The following FAM168A variants were observed in gnomAD, a reference collection of about 807,000 sequenced individuals.
FAM168A encodes protein FAM168A.
A neutral mutation model predicts 28.5 loss-of-function variants in FAM168A; 3 were observed. The observed-to-expected ratio is 0.11, with a 90% CI of 0.05 to 0.27. The LOEUF is 0.27. Ranked by LOEUF, FAM168A falls within the 10% of genes least tolerant of loss-of-function variation. The pLI, the probability that FAM168A is intolerant of heterozygous loss-of-function variation, is 1.00. For synonymous variants in FAM168A, 122 were observed against 124.2 expected, an observed-to-expected ratio of 0.98 and a Z score of 0.12; for missense variants, 222 against 311.5, an observed-to-expected ratio of 0.71 and a Z score of 2.16.
chr11:73,489,132 G>A (rs1590811695), intron 1 of FAM168A, among the ~76,000 whole-genome samples: 1 of 152,160 alleles, frequency 6.6e-6, no homozygotes, highest in East Asian at 1.9e-4. Flanking sequence ...GCCCGCCTTG[G>A]CCTCCAAAAG....
At chr11:73,435,932 G>A (rs1867079605) in intron 2 of FAM168A, among the ~76,000 whole-genome samples, 1 of 152,170 alleles carries the variant, frequency 6.6e-6, no homozygotes, top group Non-Finnish European at 1.5e-5. Flanking sequence ...TAACTTTCTG[G>A]TTAAGATTAT....
intron 1 of FAM168A, among the ~76,000 whole-genome samples, chr11:73,556,760 T>G (rs1172752314): frequency 6.6e-6 from 1 of 151,892 alleles, no homozygotes; most frequent in African/African-American, 2.4e-5. Context: ...GTGGCTCACG[T>G]TGGTAATCCC....
Position 73,506,162 on chromosome 11 carries a change from CAAG to C in FAM168A, c.-18-37673_-18-37671del, listed in dbSNP as rs536718385. Among the ~76,000 whole-genome samples the C allele has an allele frequency of 2.6e-5, 4 of 151,972 alleles. No homozygotes were observed. In the East Asian group the frequency reaches 7.7e-4, roughly 29 times the overall value. ...ATCAAAACCAACAAGCCTCAAATACCAAGAAGAAGAGGTAAATTATACATCAGA... is the reference window on the plus strand; with the variant it reads ...ATCAAAACCAACAAGCCTCAAATACCAAGAAGAGGTAAATTATACATCAGA... On this transcript the variant is annotated intron_variant, in intron 1 of 7. Transcript: ENST00000356467.
At chr11:73,497,550 A>G (rs1854917597) in intron 1 of FAM168A, among the ~76,000 whole-genome samples, 1 of 152,192 alleles carries the variant, frequency 6.6e-6, no homozygotes, top group South Asian at 2.1e-4. Context: ...TATTAGCCAC[A>G]TGTAGCTACT....
chr11:73,484,967 C>T (rs1418464799), intron 1 of FAM168A, among the ~76,000 whole-genome samples: 1 of 151,854 alleles, frequency 6.6e-6, no homozygotes, highest in Non-Finnish European at 1.5e-5. Flanking sequence ...TTATATTCAA[C>T]GGTAGCTGAT....
At chr11:73,537,951 T>A (rs1157258807) in intron 1 of FAM168A, among the ~76,000 whole-genome samples, 1 of 152,074 alleles carries the variant, frequency 6.6e-6, no homozygotes, top group Non-Finnish European at 1.5e-5. Context: ...GGAAGAAAAA[T>A]AGAAGGGAAT....
chr11:73,543,450 G>A (rs1345530269), intron 1 of FAM168A, among the ~76,000 whole-genome samples: 2 of 151,874 alleles, frequency 1.3e-5, no homozygotes, highest in African/African-American at 2.4e-5. Context: ...TAATAGACAC[G>A]GGGTTTCGCC....
intron 1 of FAM168A, among the ~76,000 whole-genome samples, chr11:73,476,952 A>G (rs1433816938): frequency 6.6e-6 from 1 of 152,130 alleles, no homozygotes; most frequent in Non-Finnish European, 1.5e-5. Context: ...AAGCAAACCA[A>G]AATACAAGCA....
chr11:73,587,788 C>T lies in FAM168A; in HGVS notation c.-19+10135G>A, dbSNP rs188871936. On this transcript the variant is annotated intron_variant, in intron 1 of 7. Coordinates refer to ENST00000356467, the MANE Select transcript of FAM168A (RefSeq NM_015159.3). The stretch of plus-strand genomic sequence containing the variant: ...TTTTTGAGATGGAGTCTAGTTCTGT[C>T]GCCCAGGCTGGAGGGCAGTGGCGCA... 1.6e-3 allele frequency among the ~76,000 whole-genome samples: 247 copies of T among 151,920 alleles called. 2 individuals are homozygous for T. Among genetic ancestry groups the T allele is most frequent in the African/African-American group, 5.5e-3 (230 of 41,442 alleles).
Position 73,400,558 on chromosome 11 carries a change from C to T in FAM168A, c.*6205G>A, listed in dbSNP as rs933277021. On this transcript the variant is annotated 3_prime_UTR_variant, in exon 8 of 8. Transcript: ENST00000356467. Reference sequence around the variant, plus strand: ...CAACTCTGAATGGCCTCACTGTGCTCCCACATCACACACTTAGGGTGGGTG... The same window carrying T: ...CAACTCTGAATGGCCTCACTGTGCTTCCACATCACACACTTAGGGTGGGTG... The T allele has an allele frequency of 2.0e-5, 3 of 152,216 alleles. No homozygotes were observed. Among genetic ancestry groups the T allele is most frequent in the Admixed American group, 2.0e-4 (3 of 15,278 alleles). The allele number at this position is 152,216 out of a possible 1,614,324, so 9.4% of individuals were successfully genotyped here.
Position 73,401,973 on chromosome 11 carries a change from A to G in FAM168A, c.*4790T>C, listed in dbSNP as rs1265697174. The G allele has an allele frequency of 6.6e-6, 1 of 152,226 alleles. No homozygotes were observed. The highest frequency in any genetic ancestry group is 2.4e-5 in the African/African-American group (1 of 41,458). The allele number at this position is 152,226 out of a possible 1,614,324, so 9.4% of individuals were successfully genotyped here. ...TAGGAAAGGGGCAGATAAGTAAAGG[A>G]CAAACCCTGCAGCCCCCTTGGCATG... is the stretch of plus-strand genomic sequence containing the variant. On this transcript the variant is annotated 3_prime_UTR_variant, in exon 8 of 8. Transcript: ENST00000356467.
chr11:73,555,382 C>T (rs975962603), intron 1 of FAM168A, among the ~76,000 whole-genome samples: 2 of 152,008 alleles, frequency 1.3e-5, no homozygotes, highest in African/African-American at 4.8e-5. Flanking sequence ...CCAATCCAGC[C>T]TGGGGGCTCA....
chr11:73,544,845 AAATATATAATATAT>A (rs56727433), intron 1 of FAM168A, among the ~76,000 whole-genome samples: 1 of 94,532 alleles, frequency 1.1e-5, no homozygotes, highest in South Asian at 2.4e-4. Flanking sequence ...AATATATATT[AAATATATAATATAT>A]AATATATAAT....
chr11:73,518,767 C>T (rs1056302637), intron 1 of FAM168A, among the ~76,000 whole-genome samples: 1 of 152,016 alleles, frequency 6.6e-6, no homozygotes, highest in South Asian at 2.1e-4. Flanking sequence ...CGTGGTCGTG[C>T]GCACCTGTAG....
At chr11:73,513,962 T>C (rs1180220457) in intron 1 of FAM168A, among the ~76,000 whole-genome samples, 1 of 152,060 alleles carries the variant, frequency 6.6e-6, no homozygotes, top group Admixed American at 6.5e-5. Context: ...GGTGGGCAGA[T>C]TGCTTGAGCC....
At chr11:73,439,832 T>C (rs559114941) in intron 2 of FAM168A, among the ~76,000 whole-genome samples, 1 of 152,070 alleles carries the variant, frequency 6.6e-6, no homozygotes, top group Non-Finnish European at 1.5e-5. Context: ...AGGTGAAATT[T>C]TGTGAATCGA....
intron 1 of FAM168A, among the ~76,000 whole-genome samples, chr11:73,498,861 G>A (rs1440349898): frequency 6.6e-6 from 1 of 152,156 alleles, no homozygotes; most frequent in African/African-American, 2.4e-5. Flanking sequence ...ATGGAATTTG[G>A]ATCTCCCTGG....
intron 2 of FAM168A, among the ~76,000 whole-genome samples, chr11:73,435,333 C>A (rs962294786): frequency 5.9e-5 from 9 of 152,230 alleles, no homozygotes; most frequent in Admixed American, 4.6e-4. Flanking sequence ...AATCTGTACT[C>A]AGCTTCATGT....
intron 1 of FAM168A, among the ~76,000 whole-genome samples, chr11:73,504,707 T>C (rs781225803): frequency 6.6e-5 from 10 of 152,212 alleles, no homozygotes; most frequent in East Asian, 5.8e-4. Context: ...TGCACATATA[T>C]GTTTACTGCA....
Sources: gnomAD v4.1 joint callset for allele counts (sites outside exome capture counted in the v4.1 genomes callset) on GRCh38, gnomAD v4.1.1 for gene constraint, MANE v1.5 for transcripts, NCBI Gene and HGNC (gene_info 2026-07-23, HGNC 2026-07-21) for gene names.